SIPA1L1: variants seen among roughly 807,000 people sequenced by gnomAD.
The protein encoded by SIPA1L1 is signal-induced proliferation-associated 1-like protein 1.
SIPA1L1 carries 26 observed loss-of-function variants against 162.7 expected under a neutral mutation model. The ratio of observed to expected loss-of-function variants is 0.16; its 90% CI spans 0.12 to 0.22. SIPA1L1 has a LOEUF of 0.22. Ranked by LOEUF, SIPA1L1 falls within the 10% of genes least tolerant of loss-of-function variation. The probability of loss-of-function intolerance (pLI) is 1.00; values close to 1 mark genes in which losing one functional copy is unlikely to be tolerated. For missense variants in SIPA1L1, 1,874 were observed against 2,241.0 expected, an observed-to-expected ratio of 0.84 and a Z score of 3.31; for synonymous variants, 829 against 837.4, an observed-to-expected ratio of 0.99 and a Z score of 0.17.
intron 7 of SIPA1L1, among the ~76,000 whole-genome samples, chr14:71,643,557 T>C (rs2041908625): frequency 6.6e-6 from 1 of 152,208 alleles, no homozygotes; most frequent in Non-Finnish European, 1.5e-5. Context: ...AATGAAAAAC[T>C]AGTGCAAAGA....
At chr14:71,617,984 A>G (rs374905901) in intron 5 of SIPA1L1, among the ~76,000 whole-genome samples, 2 of 152,244 alleles carry the variant, frequency 1.3e-5, no homozygotes, top group East Asian at 3.8e-4. Context: ...AACATTTTCT[A>G]TAAATTAACT....
chr14:71,668,425 C>T (rs2044220346), intron 10 of SIPA1L1, among the ~76,000 whole-genome samples: 1 of 152,142 alleles, frequency 6.6e-6, no homozygotes, highest in Non-Finnish European at 1.5e-5. Flanking sequence ...GAATTTGTAC[C>T]AGCTGCTCAA....
intron 13 of SIPA1L1, among the ~76,000 whole-genome samples, chr14:71,693,494 G>A (rs566394445): frequency 1.1e-4 from 16 of 151,540 alleles, no homozygotes; most frequent in Middle Eastern, 3.4e-3. Context: ...GCAAGACTCC[G>A]TCTCAAAAAA....
At chr14:71,384,645 AAC>A (rs2040174446) in intron 2 of SIPA1L1, among the ~76,000 whole-genome samples, 1 of 152,238 alleles carries the variant, frequency 6.6e-6, no homozygotes, top group Admixed American at 6.5e-5. Context: ...GTAAGTTTCT[AAC>A]ACATGGAATA....
intron 7 of SIPA1L1, among the ~76,000 whole-genome samples, chr14:71,643,866 G>A (rs1009425874): frequency 6.6e-6 from 1 of 152,130 alleles, no homozygotes; most frequent in African/African-American, 2.4e-5. Context: ...GGAGTGCAGT[G>A]GCACGATCTT....
At chr14:71,592,019 G>GCTCACT (rs1457472127) in intron 5 of SIPA1L1, among the ~76,000 whole-genome samples, 2 of 152,148 alleles carry the variant, frequency 1.3e-5, no homozygotes, top group African/African-American at 4.8e-5. Context: ...GGTATAAACA[G>GCTCACT]CTCACTCTTT....
At chr14:71,627,009 T>C (rs1028858510) in intron 7 of SIPA1L1, among the ~76,000 whole-genome samples, 2 of 151,918 alleles carry the variant, frequency 1.3e-5, no homozygotes, top group Admixed American at 1.3e-4. Flanking sequence ...GTGATATATA[T>C]GTGGGAGCTG....
chr14:71,542,466 G>GCTGCTT (rs1246158016), intron 4 of SIPA1L1, among the ~76,000 whole-genome samples: 10 of 148,932 alleles, frequency 6.7e-5, no homozygotes, highest in African/African-American at 2.5e-4. Flanking sequence ...TGCTGCTGCT[G>GCTGCTT]CTGCTTCTGC....
In SIPA1L1 at chr14:71,702,587, G is replaced by C; in HGVS notation, c.3646+82G>C. 3 of 1,209,372 alleles carry C rather than the reference G, an allele frequency of 2.5e-6. No individual in the cohort carries two copies. The South Asian group carries it at 4.3e-5, about 17-fold the overall frequency. 74.9% of individuals were successfully genotyped at this position (1,209,372 alleles called of 1,614,324 possible). A position where few individuals can be genotyped will look rare whatever the true frequency, so the allele number is the denominator to read the frequency against. On this transcript the variant is annotated intron_variant, in intron 15 of 23. Transcript: ENST00000381232. ...CTCTTGATGATGTTATCAAAACATT[G>C]TTATAAAAGGTAGCCCTAGTTAATA...
intron 2 of SIPA1L1, among the ~76,000 whole-genome samples, chr14:71,345,619 G>C (rs796939977): frequency 6.0e-5 from 9 of 150,682 alleles, no homozygotes; most frequent in African/African-American, 2.0e-4. Flanking sequence ...TGTCGCCCAG[G>C]CTGGAGTGCA....
At chr14:71,626,110 G>A (rs146605235) in intron 7 of SIPA1L1, among the ~76,000 whole-genome samples, 7 of 152,288 alleles carry the variant, frequency 4.6e-5, no homozygotes, top group African/African-American at 1.4e-4. Flanking sequence ...ATTCTTGGAA[G>A]CATTAAAATG....
intron 3 of SIPA1L1, among the ~76,000 whole-genome samples, chr14:71,518,536 G>A (rs988003697): frequency 6.6e-6 from 1 of 151,970 alleles, no homozygotes; most frequent in African/African-American, 2.4e-5. Context: ...ATTTTTCTTG[G>A]GCTTTTGATT....
intron 2 of SIPA1L1, among the ~76,000 whole-genome samples, chr14:71,508,105 A>G (rs1229007863): frequency 2.0e-5 from 3 of 152,198 alleles, no homozygotes; most frequent in Non-Finnish European, 4.4e-5. Flanking sequence ...TCCAGCCACC[A>G]TTGCTGTTTG....
At position 71,671,230 on chromosome 14, in the gene SIPA1L1, T is replaced by C. The variant is rs1209499932; in HGVS notation, c.2367T>C (p.Ile789=). ...GGGACTTCCTTTTGGCGAAAGTGAT[T>C]AATGCAGAAAATGCTGCTCATAAAT... ...VFRDFLLAKV[I]NAENAAHKSE... The change falls in exon 11 of 24, where the codon ATT becomes ATC. Residue 789 remains isoleucine, a synonymous_variant. Coordinates refer to ENST00000381232, the MANE Select transcript of SIPA1L1 (RefSeq NM_001386936.1). The C allele has an allele frequency of 1.9e-6, 3 of 1,614,170 alleles. No individual in the cohort carries two copies. Among genetic ancestry groups the C allele is most frequent in the Non-Finnish European group, 1.7e-6 (2 of 1,180,032 alleles).
At position 71,544,039 on chromosome 14, in the gene SIPA1L1, A is replaced by G. The variant is rs150276382; in HGVS notation, c.-303+14669A>G. Among the ~76,000 whole-genome samples the G allele has an allele frequency of 3.4e-4, 51 of 148,430 alleles. No homozygotes were observed. In the East Asian group the frequency reaches 0.01, roughly 30 times the overall value. Reference sequence around the variant, plus strand: ...TACACATACGCACATGTATGTATATACACACGCACGCACATGTATGTATAT... The same window carrying G: ...TACACATACGCACATGTATGTATATGCACACGCACGCACATGTATGTATAT... On this transcript the variant is annotated intron_variant, in intron 4 of 23. Coordinates refer to ENST00000381232, the MANE Select transcript of SIPA1L1 (RefSeq NM_001386936.1).
chr14:71,683,197 T>A (rs1056962961), intron 12 of SIPA1L1, among the ~76,000 whole-genome samples: 1 of 152,038 alleles, frequency 6.6e-6, no homozygotes, highest in African/African-American at 2.4e-5. Context: ...AATAGAAGCT[T>A]AGCTAGGGAA....
At chr14:71,406,006 T>C (rs2042004138) in intron 2 of SIPA1L1, among the ~76,000 whole-genome samples, 1 of 152,170 alleles carries the variant, frequency 6.6e-6, no homozygotes, top group Admixed American at 6.6e-5. Flanking sequence ...AGAAAGAAGA[T>C]TAATGAGGAA....
At position 71,581,245 on chromosome 14, in the gene SIPA1L1, G is replaced by T. The variant is rs559116100; in HGVS notation, c.-302-6326G>T. The stretch of plus-strand genomic sequence containing the variant: ...GGGAACTCACTATGTTACCCAGGCT[G>T]GTCTCAAACTCCTGGGCTTAAGAAA... On this transcript the variant is annotated intron_variant, in intron 4 of 23. Transcript: ENST00000381232. Among the ~76,000 whole-genome samples the T allele has an allele frequency of 2.0e-5, 3 of 152,046 alleles. No individual in the cohort carries two copies. The South Asian group carries it at 6.2e-4, about 32-fold the overall frequency.
chr14:71,406,753 A>G (rs536462057), intron 2 of SIPA1L1, among the ~76,000 whole-genome samples: 2 of 152,270 alleles, frequency 1.3e-5, no homozygotes, highest in South Asian at 2.1e-4. Flanking sequence ...AAGCTGGGCT[A>G]TTCTCCTTTA....
Sources: allele counts gnomAD v4.1 joint callset (sites outside exome capture counted in the v4.1 genomes callset), GRCh38; gene constraint gnomAD v4.1.1; transcripts MANE v1.5; gene names NCBI Gene and HGNC (gene_info 2026-07-23, HGNC 2026-07-21).